Variants in ZNF652 observed in about 807,000 individuals in gnomAD.
The protein encoded by ZNF652 is zinc finger protein 652.
Under a neutral mutation model 45.2 loss-of-function variants are expected in ZNF652, and 16 were observed. The observed-to-expected ratio is 0.35, with a 90% CI of 0.24 to 0.54. ZNF652 has a LOEUF of 0.54. Ranked by LOEUF, ZNF652 falls within the 20% of genes least tolerant of loss-of-function variation. ZNF652 has a pLI of 0.91. For missense variants in ZNF652, 614 were observed against 765.6 expected (o/e 0.80, Z 2.34); for synonymous variants, 250 against 260.6 (o/e 0.96, Z 0.39).
chr17:49,358,797 T>C (rs1348991077), intron 1 of ZNF652, among the ~76,000 whole-genome samples: 1 of 152,156 alleles, frequency 6.6e-6, no homozygotes, highest in Non-Finnish European at 1.5e-5. Context: ...CTGCAGAAAG[T>C]AGGTGCTGTT....
At chr17:49,329,744 G>T (rs1013590059) in intron 1 of ZNF652, among the ~76,000 whole-genome samples, 5 of 152,200 alleles carry the variant, frequency 3.3e-5, no homozygotes, top group East Asian at 1.9e-4. Context: ...AAATGAGACT[G>T]CCATTGTGTT....
In ZNF652 at chr17:49,312,057, G is replaced by A. The variant is rs2069719927; in HGVS notation, c.1049-15C>T. 6.4e-7 allele frequency: 1 copy of A among 1,572,886 alleles called. No homozygotes were observed. The highest frequency in any genetic ancestry group is 8.7e-7 in the Non-Finnish European group (1 of 1,149,770). Reference sequence around the variant, plus strand: ...TTTTGTGTGTGCTGCAACACAGAATGTACTTAGTGTCAAAACAAAATCCAC... The same window carrying A: ...TTTTGTGTGTGCTGCAACACAGAATATACTTAGTGTCAAAACAAAATCCAC... On this transcript the variant is annotated splice_polypyrimidine_tract_variant and intron_variant, in intron 3 of 5. Coordinates refer to ENST00000430262, the MANE Select transcript of ZNF652 (RefSeq NM_001145365.3).
chr17:49,351,743 G>A (rs1430840092), intron 1 of ZNF652, among the ~76,000 whole-genome samples: 1 of 152,162 alleles, frequency 6.6e-6, no homozygotes, highest in East Asian at 1.9e-4. Flanking sequence ...AGCACTTTGG[G>A]AGGCTGAGAT....
chr17:49,307,939 G>T (rs1314559448), intron 5 of ZNF652, among the ~76,000 whole-genome samples: 2 of 152,192 alleles, frequency 1.3e-5, no homozygotes, highest in East Asian at 3.9e-4. Flanking sequence ...ACATAATACA[G>T]TAAAATTAAA....
chr17:49,307,343 A>C (rs1284395191), intron 5 of ZNF652, among the ~76,000 whole-genome samples: 1 of 150,036 alleles, frequency 6.7e-6, no homozygotes, highest in African/African-American at 2.5e-5. Flanking sequence ...AGGCAGGAGA[A>C]TCACTTGAAC....
At chr17:49,321,594 G>A (rs2143819549) in intron 1 of ZNF652, among the ~76,000 whole-genome samples, 1 of 152,172 alleles carries the variant, frequency 6.6e-6, no homozygotes, top group Middle Eastern at 3.4e-3. Flanking sequence ...CAAAGCCACT[G>A]AGACCTTGCA....
chr17:49,301,074 C>T, intron 5 of ZNF652, among the ~76,000 whole-genome samples: 1 of 151,882 alleles, frequency 6.6e-6, no homozygotes, highest in African/African-American at 2.4e-5. Flanking sequence ...CTCCTTTTTT[C>T]CCACCCTCCA....
At position 49,292,019 on chromosome 17, in the gene ZNF652, G is replaced by A. The variant is rs2069410587; in HGVS notation, c.*6394C>T. Among the ~76,000 whole-genome samples, 1 of 152,106 alleles carries A rather than the reference G, an allele frequency of 6.6e-6. No individual in the cohort carries two copies. The highest frequency in any genetic ancestry group is 2.4e-5 in the African/African-American group (1 of 41,410). On this transcript the variant is annotated 3_prime_UTR_variant, in exon 6 of 6. Transcript: ENST00000430262. ...TTGCCAGACAGGAAAGATGGAGAAT[G>A]TATTAACAGCTGCCTTCTTAGATAC...
intron 1 of ZNF652, among the ~76,000 whole-genome samples, chr17:49,348,340 A>T (rs1332388609): frequency 6.6e-6 from 1 of 151,798 alleles, no homozygotes; most frequent in Non-Finnish European, 1.5e-5. Context: ...AAAAAAATTT[A>T]GCTGGACACA....
intron 1 of ZNF652, among the ~76,000 whole-genome samples, chr17:49,327,757 ATATATATATATATATATATATATTTTT>A (rs1467227263): frequency 0.01 from 149 of 14,512 alleles, 6 homozygotes; most frequent in Middle Eastern, 0.038. Context: ...ATATATATAT[ATATATATATATATATATATATATTTTT>A]TTTTTTTTTT....
At chr17:49,338,608 T>C (rs1169154899) in intron 1 of ZNF652, among the ~76,000 whole-genome samples, 6 of 152,232 alleles carry the variant, frequency 3.9e-5, no homozygotes, top group East Asian at 1.9e-4. Context: ...TAATAATGCA[T>C]ACAGTCATGT....
chr17:49,345,643 C>A (rs1287150449), intron 1 of ZNF652, among the ~76,000 whole-genome samples: 1 of 150,310 alleles, frequency 6.7e-6, no homozygotes, highest in Admixed American at 6.6e-5. Context: ...AGATCGAGAC[C>A]ATCCTGGCTA....
intron 5 of ZNF652, among the ~76,000 whole-genome samples, chr17:49,310,244 C>T (rs1293361754): frequency 2.0e-5 from 3 of 152,190 alleles, no homozygotes; most frequent in Non-Finnish European, 2.9e-5. Flanking sequence ...TGAGCCACCG[C>T]GCCCGGCCCT....
Position 49,298,527 on chromosome 17 carries a change from G to A in ZNF652, c.1707C>T (p.His569=), listed in dbSNP as rs1466877003. Reference sequence around the variant, plus strand: ...TAAAGAGAGCTGGAGGTGGCGGGAGGTGAGGGACTGGAGGGATGGGAAGGT... The same window carrying A: ...TAAAGAGAGCTGGAGGTGGCGGGAGATGAGGGACTGGAGGGATGGGAAGGT... The part of the protein sequence containing the change: ...PHHLPIPPVP[H]LPPPPALFKS... The change falls in exon 6 of 6, where the codon CAC becomes CAT. Residue 569 remains histidine, a synonymous_variant. Coordinates refer to ENST00000430262, the MANE Select transcript of ZNF652 (RefSeq NM_001145365.3). The A allele has an allele frequency of 6.2e-7, 1 of 1,612,638 alleles. No individual in the cohort carries two copies. Among genetic ancestry groups the A allele is most frequent in the East Asian group, 2.2e-5 (1 of 44,832 alleles).
At chr17:49,337,537 G>T (rs187432233) in intron 1 of ZNF652, among the ~76,000 whole-genome samples, 16 of 152,128 alleles carry the variant, frequency 1.1e-4, no homozygotes, top group African/African-American at 3.9e-4. Flanking sequence ...GGTTTGAGTT[G>T]TTACCCTAAA....
rs189687703 is a variant in ZNF652, at chr17:49,299,374, A to T, written c.1310-450T>A. Reference sequence around the variant, plus strand: ...ATTTAGGCAAGTTAATCTGTAAGAAATTTTTTTTCTTTTTTAGTTTTTTGA... The same window carrying T: ...ATTTAGGCAAGTTAATCTGTAAGAATTTTTTTTTCTTTTTTAGTTTTTTGA... On this transcript the variant is annotated intron_variant, in intron 5 of 5. Transcript: ENST00000430262. Among the ~76,000 whole-genome samples the T allele has an allele frequency of 1.7e-3, 261 of 151,900 alleles. 1 individual carries two copies. Among genetic ancestry groups the T allele is most frequent in the African/African-American group, 6.0e-3 (249 of 41,414 alleles).
At chr17:49,339,970 G>A (rs1309769237) in intron 1 of ZNF652, among the ~76,000 whole-genome samples, 1 of 152,088 alleles carries the variant, frequency 6.6e-6, no homozygotes, top group Non-Finnish European at 1.5e-5. Context: ...CTGACCTCGT[G>A]ATCCACCTGC....
intron 1 of ZNF652, among the ~76,000 whole-genome samples, chr17:49,345,101 T>G (rs542178181): frequency 6.6e-6 from 1 of 152,164 alleles, no homozygotes; most frequent in Non-Finnish European, 1.5e-5. Context: ...AATTTATAAC[T>G]GCTATGCGCT....
chr17:49,334,594 C>A (rs1429032253), intron 1 of ZNF652, among the ~76,000 whole-genome samples: 4 of 152,064 alleles, frequency 2.6e-5, no homozygotes, highest in Non-Finnish European at 2.9e-5. Flanking sequence ...GCGTGGGCAA[C>A]ATGGTGAAAC....
Sources: allele counts gnomAD v4.1 joint callset (sites outside exome capture counted in the v4.1 genomes callset), GRCh38; gene constraint gnomAD v4.1.1; transcripts MANE v1.5; gene names NCBI Gene and HGNC (gene_info 2026-07-23, HGNC 2026-07-21).